BAHCC1: variants seen among roughly 807,000 people sequenced by gnomAD.
The protein encoded by BAHCC1 is BAH and coiled-coil domain-containing protein 1.
A neutral mutation model predicts 88.2 loss-of-function variants in BAHCC1; 43 were observed. The ratio of observed to expected loss-of-function variants is 0.49; its 90% CI spans 0.38 to 0.63. BAHCC1 has a LOEUF of 0.63. BAHCC1 is among the 20% of genes least tolerant of loss of function. BAHCC1 has a pLI of 0.00. For missense variants in BAHCC1, 3,023 were observed against 1,654.8 expected, an observed-to-expected ratio of 1.83 and a Z score of -14.34; for synonymous variants, 1,510 against 745.5, an observed-to-expected ratio of 2.03 and a Z score of -16.71.
rs2030027498 is a variant in BAHCC1 at position 81,459,259 on chromosome 17, C to T, written c.5727C>T (p.Ser1909=). 2.6e-6 allele frequency: 2 copies of T among 779,134 alleles called. No individual in the cohort carries two copies. Among genetic ancestry groups the T allele is most frequent in the African/African-American group, 1.7e-5 (1 of 59,130 alleles). The allele number at this position is 779,134 out of a possible 1,614,324, so 48.3% of individuals were successfully genotyped here. Residue 1909 remains serine, a synonymous_variant, in exon 22 of 28, where the codon AGC becomes AGT. Transcript: ENST00000675386. ...CATTCCCCAATGCCCCCAGCTATAG[C>T]ATCGTCATCGAGGGCGAGAGGGGCA... ...VRTLQPPDIY[S]IVIEGERGNR...
At chr17:81,437,454 C>A (rs1254568060) in intron 3 of BAHCC1, among the ~76,000 whole-genome samples, 4 of 152,224 alleles carry the variant, frequency 2.6e-5, no homozygotes, top group African/African-American at 9.6e-5. Context: ...GTCCAGCAGA[C>A]ATGCTCTCTG....
At chr17:81,463,241 C>T (rs1024787493) in intron 27 of BAHCC1, among the ~76,000 whole-genome samples, 2 of 152,154 alleles carry the variant, frequency 1.3e-5, no homozygotes, top group Admixed American at 6.5e-5. Context: ...GGATGTGTGG[C>T]GGCCCCCACC....
rs782744147 is a variant in BAHCC1 at position 81,457,495 on chromosome 17, G to A, written c.4944G>A (p.Gly1648=). ...PREAGLLLHT[G]ASVAVLGPSP... ...AAGCAGGGCTGCTGCTGCACACCGG[G>A]GCCAGTGTGGCCGTGCTGGGGCCCT... is the stretch of plus-strand genomic sequence containing the variant. The change falls in exon 17 of 28, where the codon GGG becomes GGA. Residue 1648 remains glycine, a synonymous_variant. Coordinates refer to ENST00000675386, the MANE Select transcript of BAHCC1 (RefSeq NM_001377448.1). 1.3e-6 allele frequency: 1 copy of A among 762,138 alleles called. No homozygotes were observed. Among genetic ancestry groups the A allele is most frequent in the Non-Finnish European group, 2.4e-6 (1 of 409,776 alleles). 47.2% of individuals were successfully genotyped at this position (762,138 alleles called of 1,614,324 possible). A position where few individuals can be genotyped will look rare whatever the true frequency, so the allele number is the denominator to read the frequency against.
intron 2 of BAHCC1, among the ~76,000 whole-genome samples, chr17:81,403,441 ACTT>A (rs1462356756): frequency 6.6e-6 from 1 of 151,250 alleles, no homozygotes; most frequent in Non-Finnish European, 1.5e-5. Flanking sequence ...ACTGCAAACT[ACTT>A]CTTTCCTGCT....
At chr17:81,408,866 C>T (rs1192723074) in intron 2 of BAHCC1, among the ~76,000 whole-genome samples, 12 of 152,182 alleles carry the variant, frequency 7.9e-5, no homozygotes, top group Non-Finnish European at 1.8e-4. Context: ...GTGGAAATGT[C>T]CTTCTGTCCC....
In BAHCC1 at chr17:81,411,433, T is replaced by TG. The variant is rs1305249794; in HGVS notation, c.178+11523dup. The TG allele has an allele frequency of 2.6e-5, 4 of 153,066 alleles. No individual in the cohort carries two copies. The highest frequency in any genetic ancestry group is 1.9e-4 in the East Asian group (1 of 5,390). 9.5% of individuals were successfully genotyped at this position (153,066 alleles called of 1,614,324 possible). On this transcript the variant is annotated intron_variant, in intron 2 of 27. Transcript: ENST00000675386. This position sits in a 1 kb window ranked among gnomAD's most constrained non-coding sequence, Gnocchi z 6.2. The stretch of plus-strand genomic sequence containing the variant: ...TCAAATTGATCAGGGAGGGTGGGGT[T>TG]GGGGGGGAACAGGGTCCTTGAGGTC...
intron 2 of BAHCC1, among the ~76,000 whole-genome samples, chr17:81,412,218 C>T (rs372463684): frequency 1.3e-5 from 2 of 152,242 alleles, no homozygotes; most frequent in Admixed American, 6.5e-5. Context: ...GCCAGCAGGT[C>T]GCCTTGTGGG....
At chr17:81,453,895 G>A (rs1366460745) in intron 14 of BAHCC1, among the ~76,000 whole-genome samples, 3 of 152,250 alleles carry the variant, frequency 2.0e-5, no homozygotes, top group Non-Finnish European at 4.4e-5. Flanking sequence ...GTCGGGGAGC[G>A]GGGGCCCAGG....
At chr17:81,422,691 ACCT>A (rs1568005770) in intron 2 of BAHCC1, 1 of 354,888 alleles carries the variant, frequency 2.8e-6, no homozygotes. Flanking sequence ...TCCTGCCCCC[ACCT>A]GATGTGGTGT....
chr17:81,459,352 CG>C (rs879971098), intron 22 of BAHCC1, 24 bp downstream of exon 22: 2 of 773,284 alleles, frequency 2.6e-6, no homozygotes, highest in Non-Finnish European at 4.8e-6. Context: ...CGGCCCGCCC[CG>C]GGGAGGGGCC....
chr17:81,459,662 A>G (rs1274217619), intron 23 of BAHCC1, 58 bp downstream of exon 23: 1 of 774,524 alleles, frequency 1.3e-6, no homozygotes, highest in Non-Finnish European at 2.4e-6. Context: ...ACAGGCTCAT[A>G]TCTGCCCCCA....
chr17:81,407,344 G>T, intron 2 of BAHCC1: 2 of 520,050 alleles, frequency 3.8e-6, no homozygotes, highest in Admixed American at 3.9e-5. Context: ...AAGTAAGAAA[G>T]AAACCAGCCT....
chr17:81,406,953 C>G, intron 2 of BAHCC1: 1 of 456,278 alleles, frequency 2.2e-6, no homozygotes. Flanking sequence ...TTTTTTCATT[C>G]TGACCTGCTG....
chr17:81,417,618 C>T (rs565837488), intron 2 of BAHCC1, among the ~76,000 whole-genome samples: 3 of 133,510 alleles, frequency 2.2e-5, no homozygotes, highest in Admixed American at 9.1e-5. Context: ...GACTTATATC[C>T]GATTTTCCTT....
chr17:81,406,789 G>A (rs527789304), intron 2 of BAHCC1: 2 of 427,614 alleles, frequency 4.7e-6, no homozygotes, highest in South Asian at 3.3e-5. Context: ...GGCAGGCGGC[G>A]CCCAGGTCCT....
chr17:81,407,589 A>C (rs1212892043), intron 2 of BAHCC1, among the ~76,000 whole-genome samples: 8 of 152,204 alleles, frequency 5.3e-5, no homozygotes, highest in African/African-American at 1.9e-4. Context: ...GGTGGGTGGG[A>C]GAAGGGGCTG....
At chr17:81,409,811 C>T (rs1232535990) in intron 2 of BAHCC1, among the ~76,000 whole-genome samples, 2 of 152,192 alleles carry the variant, frequency 1.3e-5, no homozygotes, top group Non-Finnish European at 2.9e-5. Context: ...GCTGTGCCAG[C>T]GAGGGGGAGA....
chr17:81,418,792 T>C (rs1169584341), intron 2 of BAHCC1, among the ~76,000 whole-genome samples: 133 of 22,748 alleles, frequency 5.8e-3, no homozygotes, highest in African/African-American at 0.012. Flanking sequence ...TGTGTACGTG[T>C]GTGCGTGTGT....
At chr17:81,449,066 G>C (rs1555655207) in intron 11 of BAHCC1, among the ~76,000 whole-genome samples, 1 of 152,218 alleles carries the variant, frequency 6.6e-6, no homozygotes, top group African/African-American at 2.4e-5. Flanking sequence ...AGAGTGGCCG[G>C]TCTGCCTGTG....
Sources: allele counts gnomAD v4.1 joint callset (sites outside exome capture counted in the v4.1 genomes callset), GRCh38; gene constraint gnomAD v4.1.1; non-coding constraint Gnocchi (gnomAD v3.1); transcripts MANE v1.5; gene names NCBI Gene and HGNC (gene_info 2026-07-23, HGNC 2026-07-21).